The following XIAP variants were observed in gnomAD, a reference collection of about 807,000 sequenced individuals.
The protein encoded by XIAP is X-linked inhibitor of apoptosis.
Under a neutral mutation model 33.1 loss-of-function variants are expected in XIAP, and 3 were observed. That is an observed-to-expected ratio of 0.09 (90% CI 0.04 to 0.23). The LOEUF (loss-of-function observed/expected upper bound fraction) is 0.23, where lower values mean the gene tolerates loss of function less well. Among genes scored for constraint, XIAP ranks in the 10% least tolerant of loss-of-function variants. The pLI is 1.00. For missense variants in XIAP, 264 were observed against 363.0 expected (o/e 0.73, Z 2.22); for synonymous variants, 98 against 121.3 (o/e 0.81, Z 1.26).
chrX:123,900,599 C>T lies in XIAP; in HGVS notation c.1206C>T (p.Ser402=), dbSNP rs1461222217. ...AGGAAAAAATTCAGATATCTGGGAG[C>T]AACTATAAATCACTTGAGGTTCTGG... ...IMEEKIQISG[S]NYKSLEVLVA... The change falls in exon 6 of 7, where the codon AGC becomes AGT. Residue 402 remains serine (S), a synonymous_variant. Transcript: ENST00000371199. 6 of 1,208,920 alleles carry T rather than the reference C, an allele frequency of 5.0e-6. No individual in the cohort carries two copies. Among genetic ancestry groups the T allele is most frequent in the Non-Finnish European group, 6.7e-6 (6 of 894,614 alleles).
rs2053615490 is a variant in XIAP at position 123,912,691 on chromosome X, T to G, written c.*5510T>G. On this transcript the variant is annotated 3_prime_UTR_variant, in exon 7 of 7. Transcript: ENST00000371199. The stretch of plus-strand genomic sequence containing the variant: ...ATACATTATATGCAAATACTGTTTT[T>G]TTTTTTTTTAATTTAAACAGTCTCA... 1 of 324,110 alleles carries G rather than the reference T, an allele frequency of 3.1e-6. No homozygotes were observed. Among genetic ancestry groups the G allele is most frequent in the South Asian group, 2.7e-5 (1 of 37,017 alleles). 26.7% of individuals were successfully genotyped at this position (324,110 alleles called of 1,213,427 possible). A position where few individuals can be genotyped will look rare whatever the true frequency, so the allele number is the denominator to read the frequency against.
intron 5 of XIAP, among the ~76,000 whole-genome samples, chrX:123,898,992 A>C (rs1400982742): frequency 9.8e-6 from 1 of 101,774 alleles, no homozygotes; most frequent in Non-Finnish European, 2.0e-5. Flanking sequence ...GTGGTGGTGC[A>C]TGCCTGTAAT....
At position 123,907,396 on chromosome X, in the gene XIAP, T is replaced by TCTTAGTCTA; in HGVS notation, c.*215_*216insCTTAGTCTA. 2.1e-6 allele frequency: 1 copy of TCTTAGTCTA among 483,675 alleles called. No homozygotes were observed. Among genetic ancestry groups the TCTTAGTCTA allele is most frequent in the Non-Finnish European group, 3.7e-6 (1 of 271,872 alleles). The allele number at this position is 483,675 out of a possible 1,213,427, so 39.9% of individuals were successfully genotyped here. A position where few individuals can be genotyped will look rare whatever the true frequency, so the allele number is the denominator to read the frequency against. ...TATTATCCATTTTTTTTACTGTTAT[T>TCTTAGTCTA]TAATTGAAACCATAGACTAAGAATA... is the stretch of plus-strand genomic sequence containing the variant. On this transcript the variant is annotated 3_prime_UTR_variant, in exon 7 of 7. Coordinates refer to ENST00000371199, the MANE Select transcript of XIAP (RefSeq NM_001167.4).
intron 6 of XIAP, among the ~76,000 whole-genome samples, chrX:123,903,520 C>A (rs2148109551): frequency 9.2e-6 from 1 of 109,232 alleles, no homozygotes; most frequent in South Asian, 3.9e-4. Flanking sequence ...TAATTGGGAA[C>A]CTGAAGTACA....
chrX:123,870,759 G>T lies in XIAP; in HGVS notation c.-33+10466G>T, dbSNP rs1321070029. On this transcript the variant is annotated intron_variant, in intron 1 of 6. Coordinates refer to ENST00000371199, the MANE Select transcript of XIAP (RefSeq NM_001167.4). ...GCCAAGATTGTGACACTGCACTCCA[G>T]TCTGGGCGATAGAGCAAGACCCTGT... Among the ~76,000 whole-genome samples, 30 of 111,238 alleles carry T rather than the reference G, an allele frequency of 2.7e-4. No individual in the cohort carries two copies. The Admixed American group carries it at 2.7e-3, about 10-fold the overall frequency.
intron 5 of XIAP, among the ~76,000 whole-genome samples, chrX:123,899,250 TATG>T (rs2053495373): frequency 2.1e-5 from 2 of 96,522 alleles, no homozygotes; most frequent in South Asian, 9.4e-4. Flanking sequence ...TGTATATATA[TATG>T]ATTTTGTATA....
At chrX:123,876,989 CT>C (rs1174822901) in intron 1 of XIAP, among the ~76,000 whole-genome samples, 1 of 110,842 alleles carries the variant, frequency 9.0e-6, no homozygotes, top group Non-Finnish European at 1.9e-5. Context: ...ACAGGGAATG[CT>C]TTCTAGTGAA....
rs113811825 is a variant in XIAP, at chrX:123,864,840, C to CGT, written c.-33+4566_-33+4567dup. 3.6e-3 allele frequency among the ~76,000 whole-genome samples: 260 copies of CGT among 71,882 alleles called. 9 individuals are homozygous for CGT. Among genetic ancestry groups the CGT allele is most frequent in the Non-Finnish European group, 5.7e-3 (209 of 36,830 alleles). The allele number at this position is 71,882 out of a possible 115,157, so 62.4% of individuals were successfully genotyped here. On this transcript the variant is annotated intron_variant, in intron 1 of 6. Coordinates refer to ENST00000371199, the MANE Select transcript of XIAP (RefSeq NM_001167.4). ...TGTTTTAGTAAAGACAGGGTTTCAC[C>CGT]GTGTGTGTGTGTGTGTGTGTTTTAG...
chrX:123,911,562 C>T lies in XIAP; in HGVS notation c.*4381C>T, dbSNP rs940940656. ...GCGTGGTGGCACATGCCCATAGTCG[C>T]AGCTACTCTGGAGGCAGAGGCAGGA... On this transcript the variant is annotated 3_prime_UTR_variant, in exon 7 of 7. Coordinates refer to ENST00000371199, the MANE Select transcript of XIAP (RefSeq NM_001167.4). 45 of 314,803 alleles carry T rather than the reference C, an allele frequency of 1.4e-4. No individual in the cohort carries two copies. Among genetic ancestry groups the T allele is most frequent in the Non-Finnish European group, 2.5e-4 (42 of 165,779 alleles). The allele number at this position is 314,803 out of a possible 1,213,427, so 25.9% of individuals were successfully genotyped here. A position where few individuals can be genotyped will look rare whatever the true frequency, so the allele number is the denominator to read the frequency against.
At chrX:123,878,946 C>G (rs1371640953) in intron 1 of XIAP, 2 of 114,977 alleles carry the variant, frequency 1.7e-5, no homozygotes, top group African/African-American at 6.5e-5. Context: ...ACATTATTCT[C>G]CTGGTTGCTG....
chrX:123,913,850 A>G lies in XIAP; in HGVS notation c.*6669A>G, dbSNP rs753736963. On this transcript the variant is annotated 3_prime_UTR_variant, in exon 7 of 7. Coordinates refer to ENST00000371199, the MANE Select transcript of XIAP (RefSeq NM_001167.4). ...TAATTTTATGGTTTTTTTCACTTAG[A>G]ACCTTTCTGTGTGGAAAACTAAGAA... is the stretch of plus-strand genomic sequence containing the variant. The G allele has an allele frequency of 4.1e-5, 13 of 318,463 alleles. No individual in the cohort carries two copies. Among genetic ancestry groups the G allele is most frequent in the South Asian group, 3.7e-4 (13 of 35,156 alleles). The allele number at this position is 318,463 out of a possible 1,213,427, so 26.2% of individuals were successfully genotyped here.
intron 1 of XIAP, among the ~76,000 whole-genome samples, chrX:123,863,949 A>G (rs186264722): frequency 1.2e-4 from 13 of 111,721 alleles, no homozygotes; most frequent in East Asian, 1.1e-3. Context: ...AGTGCATTGG[A>G]TGATTCCAAC....
In XIAP at chrX:123,888,614, C is replaced by G. The variant is rs367801081; in HGVS notation, c.878-5C>G. 1.6e-5 allele frequency: 19 copies of G among 1,204,473 alleles called. No individual in the cohort carries two copies. The Admixed American group carries it at 3.9e-4, about 25-fold the overall frequency. On this transcript the variant is annotated splice_polypyrimidine_tract_variant and splice_region_variant and intron_variant, in intron 2 of 6. Coordinates refer to ENST00000371199, the MANE Select transcript of XIAP (RefSeq NM_001167.4). ...AAATACATATATTCCTGTGTGTTTT[C>G]GTAGGTGAAGGTGATAAAGTAAAGT...
chrX:123,884,020 A>T (rs747413055), intron 1 of XIAP, among the ~76,000 whole-genome samples: 17 of 112,221 alleles, frequency 1.5e-4, no homozygotes, highest in African/African-American at 5.5e-4. Flanking sequence ...ATGCAGATAT[A>T]ACTCAGCTGT....
intron 6 of XIAP, among the ~76,000 whole-genome samples, chrX:123,906,380 T>C (rs1330197223): frequency 9.0e-6 from 1 of 111,656 alleles, no homozygotes; most frequent in Non-Finnish European, 1.9e-5. Flanking sequence ...CCCAAACCTG[T>C]ACCTCCTTTT....
In XIAP at chrX:123,911,477, CA is replaced by C. The variant is rs397713705; in HGVS notation, c.*4309del. 0.021 allele frequency: 4,906 copies of C among 238,010 alleles called. No homozygotes were observed. Among genetic ancestry groups the C allele is most frequent in the Admixed American group, 0.028 (559 of 20,084 alleles). The allele number at this position is 238,010 out of a possible 1,213,427, so 19.6% of individuals were successfully genotyped here. A position where few individuals can be genotyped will look rare whatever the true frequency, so the allele number is the denominator to read the frequency against. On this transcript the variant is annotated 3_prime_UTR_variant, in exon 7 of 7. Transcript: ENST00000371199. Reference sequence around the variant, plus strand: ...GGGCAACAAGAGCAAAACTCTGTCTCAAAAAAAAAAAAAGATATAAATCACA... The same window carrying C: ...GGGCAACAAGAGCAAAACTCTGTCTCAAAAAAAAAAAAGATATAAATCACA...
intron 1 of XIAP, among the ~76,000 whole-genome samples, chrX:123,884,211 C>T (rs2053330970): frequency 9.0e-6 from 1 of 111,692 alleles, no homozygotes; most frequent in Non-Finnish European, 1.9e-5. Context: ...TGGCAGGGCG[C>T]GGTGGCTCAC....
intron 5 of XIAP, among the ~76,000 whole-genome samples, chrX:123,899,144 A>AAAAAAAAAAAAATAT (rs1186271285): frequency 2.0e-5 from 1 of 50,184 alleles, no homozygotes; most frequent in Non-Finnish European, 3.5e-5. Flanking sequence ...AAAAAAAAAA[A>AAAAAAAAAAAAATAT]ATATATATAT....
In XIAP at chrX:123,885,735, G is replaced by C. The variant is rs781204574; in HGVS notation, c.73G>C (p.Glu25Gln). Residue 25 changes from glutamate (E) to glutamine (Q), a missense_variant, in exon 2 of 7, where the codon GAA becomes CAA. By Grantham distance (29) the Glu-to-Gln change is conservative. Coordinates refer to ENST00000371199, the MANE Select transcript of XIAP (RefSeq NM_001167.4). The stretch of plus-strand genomic sequence containing the variant: ...CATCAATAAGGAAGAAGAATTTGTA[G>C]AAGAGTTTAATAGATTAAAAACTTT... ...ADINKEEEFV[E>Q]EFNRLKTFAN... 25 of 1,209,647 alleles carry C rather than the reference G, an allele frequency of 2.1e-5. No individual in the cohort carries two copies. In the African/African-American group the frequency reaches 4.0e-4, roughly 19 times the overall value.
Sources: allele counts gnomAD v4.1 joint callset (sites outside exome capture counted in the v4.1 genomes callset), GRCh38; gene constraint gnomAD v4.1.1; transcripts MANE v1.5; gene names NCBI Gene and HGNC (gene_info 2026-07-23, HGNC 2026-07-21).